The following ASB3 variants were observed in gnomAD, a reference collection of about 807,000 sequenced individuals.
ASB3 encodes ankyrin repeat and SOCS box containing 3.
In ASB3, 41 loss-of-function variants were observed where a neutral mutation model predicts 54.5. The ratio of observed to expected loss-of-function variants is 0.75; its 90% CI spans 0.59 to 0.98. The LOEUF (loss-of-function observed/expected upper bound fraction) is 0.98. Ranked by LOEUF, ASB3 falls within the 50% of genes least tolerant of loss-of-function variation. The pLI, the probability that ASB3 is intolerant of heterozygous loss-of-function variation, is 0.00. For missense variants in ASB3, 733 were observed against 620.0 expected, an observed-to-expected ratio of 1.18 and a Z score of -1.94; for synonymous variants, 266 against 221.2, an observed-to-expected ratio of 1.20 and a Z score of -1.80.
chr2:53,678,912 C>T (rs1341046415), intron 9 of ASB3, among the ~76,000 whole-genome samples: 1 of 152,174 alleles, frequency 6.6e-6, no homozygotes, highest in Non-Finnish European at 1.5e-5. Context: ...TGCACCACTT[C>T]AGATCCACGC....
In ASB3 at chr2:53,700,544, TAAAAAC is replaced by T; in HGVS notation, c.981-22_981-17del. ...GAACTCACAGCTCCACCATAAAAAA[TAAAAAC>T]AAAAAAAGAAGAAGTTAGACTTTGA... is the stretch of plus-strand genomic sequence containing the variant. On this transcript the variant is annotated splice_polypyrimidine_tract_variant and intron_variant, in intron 7 of 9. Transcript: ENST00000263634. The T allele has an allele frequency of 6.3e-7, 1 of 1,574,848 alleles. No homozygotes were observed. Among genetic ancestry groups the T allele is most frequent in the Non-Finnish European group, 8.6e-7 (1 of 1,167,488 alleles).
chr2:53,772,268 G>A (rs547325889), intron 1 of ASB3, among the ~76,000 whole-genome samples: 5 of 152,096 alleles, frequency 3.3e-5, no homozygotes, highest in Admixed American at 2.0e-4. Context: ...TCCGCCTCCC[G>A]GGTTCACGCC....
At chr2:53,688,790 G>T (rs190582398) in intron 9 of ASB3, among the ~76,000 whole-genome samples, 5 of 152,048 alleles carry the variant, frequency 3.3e-5, no homozygotes, top group East Asian at 3.9e-4. Flanking sequence ...GTTGGGAGGT[G>T]GGGGGCTAGG....
chr2:53,782,999 T>A (rs1374183318), intron 1 of ASB3, among the ~76,000 whole-genome samples: 3 of 152,122 alleles, frequency 2.0e-5, no homozygotes, highest in Non-Finnish European at 4.4e-5. Flanking sequence ...TTGGCCAGGC[T>A]GGTCTTGACC....
chr2:53,737,639 T>C (rs888957347), intron 3 of ASB3, among the ~76,000 whole-genome samples: 3 of 148,664 alleles, frequency 2.0e-5, no homozygotes, highest in African/African-American at 7.5e-5. Context: ...AGAATGGAGA[T>C]CAATCCTGGG....
At chr2:53,710,018 G>A (rs1670001912) in intron 7 of ASB3, among the ~76,000 whole-genome samples, 1 of 152,190 alleles carries the variant, frequency 6.6e-6, no homozygotes, top group African/African-American at 2.4e-5. Flanking sequence ...CCATGTCAGT[G>A]AGCCTCTGTG....
chr2:53,726,720 G>A lies in ASB3; in HGVS notation c.604+1992C>T, dbSNP rs563701643. Among the ~76,000 whole-genome samples the A allele has an allele frequency of 2.6e-5, 4 of 151,524 alleles. No homozygotes were observed. In the South Asian group the frequency reaches 8.4e-4, roughly 32 times the overall value. On this transcript the variant is annotated intron_variant, in intron 5 of 9. Transcript: ENST00000263634. ...TTTGTTTTGTTTTGTTTTTGAGACA[G>A]AGTCTCACTCTTGTTGCCCAGACTG...
intron 3 of ASB3, among the ~76,000 whole-genome samples, chr2:53,740,970 T>C (rs1671902124): frequency 6.6e-6 from 1 of 152,204 alleles, no homozygotes. Flanking sequence ...TACACCTTCT[T>C]CTAGGGCTAT....
intron 2 of ASB3, chr2:53,756,747 C>T (rs1013812305): frequency 1.3e-5 from 2 of 153,046 alleles, no homozygotes; most frequent in African/African-American, 4.8e-5. Context: ...TCAAACTGAG[C>T]TTTCACTCAC....
intron 7 of ASB3, among the ~76,000 whole-genome samples, chr2:53,714,014 T>C (rs559044085): frequency 6.6e-6 from 1 of 152,298 alleles, no homozygotes; most frequent in African/African-American, 2.4e-5. Flanking sequence ...TCTTATAAAT[T>C]TGAAACGGTA....
At chr2:53,675,479 C>G (rs1668036582) in intron 9 of ASB3, among the ~76,000 whole-genome samples, 2 of 152,082 alleles carry the variant, frequency 1.3e-5, no homozygotes, top group Non-Finnish European at 2.9e-5. Flanking sequence ...TCTTAGTGAT[C>G]TAGCAATTCA....
chr2:53,704,356 T>C (rs1296975359), intron 7 of ASB3, among the ~76,000 whole-genome samples: 5 of 107,636 alleles, frequency 4.6e-5, no homozygotes, highest in Non-Finnish European at 7.1e-5. Context: ...CGAGAGACTG[T>C]CTCAAAAAAA....
At chr2:53,723,795 C>T (rs1448263028) in intron 5 of ASB3, among the ~76,000 whole-genome samples, 1 of 152,160 alleles carries the variant, frequency 6.6e-6, no homozygotes, top group Admixed American at 6.5e-5. Flanking sequence ...CTACAGCCAT[C>T]TGATCTTTGA....
chr2:53,673,878 T>C (rs145805841), intron 9 of ASB3, among the ~76,000 whole-genome samples: 1 of 152,188 alleles, frequency 6.6e-6, no homozygotes, highest in Non-Finnish European at 1.5e-5. Flanking sequence ...AATGAACAAT[T>C]AGAGGTAAGA....
At chr2:53,746,504 CAG>C (rs1427919324) in intron 3 of ASB3, among the ~76,000 whole-genome samples, 5 of 134,286 alleles carry the variant, frequency 3.7e-5, no homozygotes, top group Admixed American at 2.3e-4. Flanking sequence ...TTTTTTGAGA[CAG>C]AGTTATTGTT....
chr2:53,754,096 A>G (rs1426194850), intron 2 of ASB3, among the ~76,000 whole-genome samples: 1 of 152,198 alleles, frequency 6.6e-6, no homozygotes, highest in Non-Finnish European at 1.5e-5. Flanking sequence ...CAATGGGGGC[A>G]TGCAAAAGAG....
At chr2:53,776,033 C>A (rs1451583469) in intron 1 of ASB3, among the ~76,000 whole-genome samples, 2 of 152,122 alleles carry the variant, frequency 1.3e-5, no homozygotes, top group Admixed American at 6.6e-5. Flanking sequence ...CTCAAGAGGA[C>A]ATATAATCTC....
intron 2 of ASB3, among the ~76,000 whole-genome samples, chr2:53,759,257 A>G (rs1244867092): frequency 6.6e-6 from 1 of 152,236 alleles, no homozygotes; most frequent in Non-Finnish European, 1.5e-5. Flanking sequence ...CTTGCGTGCA[A>G]GAAGGCTAAG....
intron 9 of ASB3, among the ~76,000 whole-genome samples, chr2:53,675,121 C>T (rs191926726): frequency 6.6e-6 from 1 of 152,232 alleles, no homozygotes; most frequent in Admixed American, 6.5e-5. Context: ...ATGACACTTC[C>T]CTGCATCAAA....
Sources: gnomAD v4.1 joint callset for allele counts (sites outside exome capture counted in the v4.1 genomes callset) on GRCh38, gnomAD v4.1.1 for gene constraint, MANE v1.5 for transcripts, NCBI Gene and HGNC (gene_info 2026-07-23, HGNC 2026-07-21) for gene names.